Variants in BBS12 observed in about 807,000 individuals in gnomAD.
BBS12 encodes the protein Bardet-Biedl syndrome 12, also known as chaperonin-containing T-complex member BBS12.
In BBS12, 5 loss-of-function variants were observed where a neutral mutation model predicts 5.6. That is an observed-to-expected ratio of 0.89 (90% CI 0.46 to 1.86). BBS12 has a LOEUF of 1.86. Among genes scored for constraint, BBS12 ranks in the 40% most tolerant of loss-of-function variants. BBS12 has a pLI of 0.01. For synonymous variants in BBS12, 308 were observed against 306.8 expected (o/e 1.00, Z -0.04); for missense variants, 748 against 830.4 (o/e 0.90, Z 1.22).
At chr4:122,739,435 C>A (rs201094070) in intron 1 of BBS12, among the ~76,000 whole-genome samples, 2 of 152,200 alleles carry the variant, frequency 1.3e-5, no homozygotes, top group East Asian at 1.9e-4. Context: ...AAATGTGAGT[C>A]AGGCCTTTTG....
chr4:122,711,090 A>C, the BBS12 span, among the ~76,000 whole-genome samples: 1 of 152,222 alleles, frequency 6.6e-6, no homozygotes, highest in African/African-American at 2.4e-5. Flanking sequence ...TGTCTACATG[A>C]TTGAAACATA....
intron 1 of BBS12, among the ~76,000 whole-genome samples, chr4:122,734,793 A>T (rs970958707): frequency 3.9e-5 from 6 of 152,164 alleles, no homozygotes; most frequent in African/African-American, 1.4e-4. Context: ...TTTTAATTGT[A>T]GGCTCAGATT....
At chr4:122,728,413 T>C (rs1197212167), upstream of BBS12, 2 of 152,254 alleles carry the variant, frequency 1.3e-5, no homozygotes, top group Non-Finnish European at 2.9e-5. Context: ...GTGTATAATA[T>C]GCTATCATTT....
chr4:122,705,072 C>T, the BBS12 span, among the ~76,000 whole-genome samples: 4 of 152,194 alleles, frequency 2.6e-5, no homozygotes, highest in African/African-American at 9.7e-5. Context: ...TGCACATCTG[C>T]TCTCACCATA....
chr4:122,708,922 G>A, the BBS12 span, among the ~76,000 whole-genome samples: 18 of 151,862 alleles, frequency 1.2e-4, no homozygotes, highest in Admixed American at 8.5e-4. Context: ...AACTATCAAC[G>A]GTATTAACGA....
chr4:122,704,811 G>A, the BBS12 span, among the ~76,000 whole-genome samples: 2 of 152,244 alleles, frequency 1.3e-5, no homozygotes, highest in Non-Finnish European at 1.5e-5. Flanking sequence ...AATCATTGTG[G>A]TAGATTGCAT....
In BBS12 at chr4:122,742,061, C is replaced by T; in HGVS notation, c.169C>T (p.Leu57Phe). ...ATTAATCAGTTCAACAGTAAGGCTTCTTGAAAGTTTGGATTTAACCAGTGC... is the reference window on the plus strand; with the variant it reads ...ATTAATCAGTTCAACAGTAAGGCTTTTTGAAAGTTTGGATTTAACCAGTGC... The part of the protein sequence containing the change: ...SVLISSTVRL[L>F]ESLDLTSAVG... Residue 57 changes from leucine to phenylalanine, a missense_variant, in exon 2 of 2, where the codon CTT becomes TTT. Leu to Phe is a conservative substitution (Grantham distance 22). Transcript: ENST00000314218. 6.2e-7 allele frequency: 1 copy of T among 1,614,170 alleles called. No individual in the cohort carries two copies. The highest frequency in any genetic ancestry group is 1.1e-5 in the South Asian group (1 of 91,084).
chr4:122,706,440 G>A, the BBS12 span, among the ~76,000 whole-genome samples: 1 of 152,174 alleles, frequency 6.6e-6, no homozygotes, highest in African/African-American at 2.4e-5. Flanking sequence ...GCATCAGTTT[G>A]AATGCTGGAG....
chr4:122,711,119 T>C, the BBS12 span, among the ~76,000 whole-genome samples: 3 of 152,202 alleles, frequency 2.0e-5, no homozygotes, highest in Non-Finnish European at 2.9e-5. Flanking sequence ...TCTCTTTCTC[T>C]AAGCAGATTC....
the BBS12 span, among the ~76,000 whole-genome samples, chr4:122,702,897 T>C: frequency 6.6e-6 from 1 of 152,138 alleles, no homozygotes; most frequent in Admixed American, 6.6e-5. Flanking sequence ...TTTCAATGAG[T>C]TTGAGGACAG....
At position 122,743,294 on chromosome 4, in the gene BBS12, G is replaced by A. The variant is rs144910481; in HGVS notation, c.1402G>A (p.Gly468Arg). 8.1e-6 allele frequency: 13 copies of A among 1,614,074 alleles called. No individual in the cohort carries two copies. The African/African-American group carries it at 1.1e-4, about 13-fold the overall frequency. Residue 468 changes from glycine (G) to arginine (R), a missense_variant, in exon 2 of 2, where the codon GGG becomes AGG. Gly to Arg is a moderately radical substitution (Grantham distance 125). Transcript: ENST00000314218. ...AGTGAATGAAGATTGTGTGGGCGAC[G>A]GGGTCTGCGTGACCTTCTGGAGAAG... The part of the protein sequence containing the change: ...TQVNEDCVGD[G>R]VCVTFWRSSP...
chr4:122,729,648 G>A (rs980836911), upstream of BBS12: 1 of 152,082 alleles, frequency 6.6e-6, no homozygotes, highest in African/African-American at 2.4e-5. Context: ...GTTTACTGAG[G>A]TTAACACATA....
At chr4:122,737,897 G>A (rs1187182393) in intron 1 of BBS12, among the ~76,000 whole-genome samples, 1 of 152,224 alleles carries the variant, frequency 6.6e-6, no homozygotes, top group African/African-American at 2.4e-5. Flanking sequence ...TTTTGACAAA[G>A]ATGCTAAGGC....
the BBS12 span, among the ~76,000 whole-genome samples, chr4:122,707,976 T>TTCCTTCCTTCCTTC: frequency 3.9e-4 from 39 of 100,646 alleles, no homozygotes; most frequent in Middle Eastern, 4.9e-3. Flanking sequence ...TTCCTTCCTT[T>TTCCTTCCTTCCTTC]CTTTCTTTCT....
rs369925955 is a variant in BBS12, at chr4:122,736,589, A to G, written c.-11+3705A>G. On this transcript the variant is annotated intron_variant, in intron 1 of 1. Coordinates refer to ENST00000314218, the MANE Select transcript of BBS12 (RefSeq NM_152618.3). ...TTCCATTACACACTTAGAAACTCAA[A>G]GAAACATTAAGCTGGCAAGTACTGA... Among the ~76,000 whole-genome samples, 35 of 152,286 alleles carry G rather than the reference A, an allele frequency of 2.3e-4. No homozygotes were observed. In the East Asian group the frequency reaches 6.2e-3, roughly 27 times the overall value.
At chr4:122,707,056 T>TTTTC in the BBS12 span, among the ~76,000 whole-genome samples, 1 of 16,122 alleles carries the variant, frequency 6.2e-5, no homozygotes. Context: ...CTCTCTCTCT[T>TTTTC]TTTTTTTTTT....
At chr4:122,709,394 A>G in the BBS12 span, among the ~76,000 whole-genome samples, 7 of 152,184 alleles carry the variant, frequency 4.6e-5, no homozygotes, top group African/African-American at 1.7e-4. Flanking sequence ...GATGGGAGCT[A>G]AAAACATAGA....
intron 1 of BBS12, 111 bp from the exon 2 acceptor site, chr4:122,741,772 G>T: frequency 1.1e-6 from 1 of 901,408 alleles, no homozygotes. Flanking sequence ...ACTTTTCATG[G>T]AAATTATATG....
At chr4:122,707,221 A>G in the BBS12 span, among the ~76,000 whole-genome samples, 1 of 151,862 alleles carries the variant, frequency 6.6e-6, no homozygotes, top group Non-Finnish European at 1.5e-5. Flanking sequence ...TATCACTAGA[A>G]TTTTCTTTTT....
Sources: allele counts gnomAD v4.1 joint callset (sites outside exome capture counted in the v4.1 genomes callset), GRCh38; gene constraint gnomAD v4.1.1; transcripts MANE v1.5; gene names NCBI Gene and HGNC (gene_info 2026-07-23, HGNC 2026-07-21).